NFE2L3: variants seen among roughly 807,000 people sequenced by gnomAD.
The protein encoded by NFE2L3 is nuclear factor erythroid 2-related factor 3.
A neutral mutation model predicts 23.5 loss-of-function variants in NFE2L3; 18 were observed. That is an observed-to-expected ratio of 0.77 (90% CI 0.53 to 1.13). The LOEUF is 1.13. NFE2L3 is among the 50% of genes most tolerant of loss of function. The pLI is 0.00. For missense variants in NFE2L3, 1,152 were observed against 877.2 expected (o/e 1.31, Z -3.96); for synonymous variants, 424 against 354.5 (o/e 1.20, Z -2.20).
At position 26,152,791 on chromosome 7, in the gene NFE2L3, T is replaced by G. The variant is rs987613552; in HGVS notation, c.293T>G (p.Leu98Arg). 6 of 1,485,610 alleles carry G rather than the reference T, an allele frequency of 4.0e-6. No homozygotes were observed. The highest frequency in any genetic ancestry group is 3.6e-6 in the Non-Finnish European group (4 of 1,125,758). The allele number at this position is 1,485,610 out of a possible 1,614,324, so 92.0% of individuals were successfully genotyped here. The change falls in exon 1 of 4, where the codon CTC becomes CGC. Residue 98 changes from leucine (L) to arginine (R), a missense_variant. Coordinates refer to ENST00000056233, the MANE Select transcript of NFE2L3 (RefSeq NM_004289.7). The surrounding 1 kb of genome is among the most constrained non-coding windows in gnomAD (Gnocchi z 4.4). ...CAGCTGCTCCGGGAGGTGCGCGCGCTCGGGGTCCCCTTCGTCCCTCGCACC... is the reference window on the plus strand; with the variant it reads ...CAGCTGCTCCGGGAGGTGCGCGCGCGCGGGGTCCCCTTCGTCCCTCGCACC... ...EGQLLREVRA[L>R]GVPFVPRTSV...
rs1784489719 is a variant in NFE2L3 at position 26,180,577 on chromosome 7, G to A, written c.750+2455G>A. Among the ~76,000 whole-genome samples, 3 of 152,158 alleles carry A rather than the reference G, an allele frequency of 2.0e-5. No homozygotes were observed. The South Asian group carries it at 6.2e-4, about 31-fold the overall frequency. ...CACTTCCCTGAGTATTCACAGCTCT[G>A]TTTGAGGGAAAAGATGTTTTCACTA... On this transcript the variant is annotated intron_variant, in intron 2 of 3. Coordinates refer to ENST00000056233, the MANE Select transcript of NFE2L3 (RefSeq NM_004289.7).
At chr7:26,153,620 GTGACCT>G (rs1784033691) in intron 1 of NFE2L3, among the ~76,000 whole-genome samples, 5 of 152,220 alleles carry the variant, frequency 3.3e-5, no homozygotes, top group Admixed American at 3.3e-4. Context: ...CGGTCCCCCT[GTGACCT>G]AACCATCCCC....
intron 1 of NFE2L3, among the ~76,000 whole-genome samples, chr7:26,175,723 G>GA (rs1340525449): frequency 2.7e-5 from 4 of 150,352 alleles, no homozygotes; most frequent in African/African-American, 9.8e-5. Flanking sequence ...AGCTTGTAGT[G>GA]AGCCAAGATC....
chr7:26,165,374 A>G (rs1290536694), intron 1 of NFE2L3, among the ~76,000 whole-genome samples: 1 of 152,164 alleles, frequency 6.6e-6, no homozygotes, highest in African/African-American at 2.4e-5. Context: ...CATCCCTTGT[A>G]AGTTGGATTC....
Position 26,152,708 on chromosome 7 carries a change from C to T in NFE2L3, c.210C>T (p.Arg70=). Residue 70 remains arginine (R), a synonymous_variant, in exon 1 of 4, where the codon CGC becomes CGT. Coordinates refer to ENST00000056233, the MANE Select transcript of NFE2L3 (RefSeq NM_004289.7). The surrounding 1 kb of genome is among the most constrained non-coding windows in gnomAD (Gnocchi z 4.4). ...TCTCGGCCTCGGGAGGGTGGGGGCG[C>T]GCGGGCCACTTGCACCCCAAGGGCC... is the stretch of plus-strand genomic sequence containing the variant. ...SPFSASGGWG[R]AGHLHPKGRE... 3 of 1,476,470 alleles carry T rather than the reference C, an allele frequency of 2.0e-6. No homozygotes were observed. The highest frequency in any genetic ancestry group is 2.7e-6 in the Non-Finnish European group (3 of 1,120,896). 91.5% of individuals were successfully genotyped at this position (1,476,470 alleles called of 1,614,324 possible).
Position 26,185,076 on chromosome 7 carries a change from G to T in NFE2L3, c.1378G>T (p.Asp460Tyr). 1 of 1,613,818 alleles carries T rather than the reference G, an allele frequency of 6.2e-7. No homozygotes were observed. Among genetic ancestry groups the T allele is most frequent in the Non-Finnish European group, 8.5e-7 (1 of 1,179,826 alleles). Residue 460 changes from aspartate (D) to tyrosine (Y), a missense_variant, in exon 4 of 4, where the codon GAC becomes TAC. Coordinates refer to ENST00000056233, the MANE Select transcript of NFE2L3 (RefSeq NM_004289.7). ...TGACCATGAATCTAGTTCCCATCAT[G>T]ACTTAGAAGGTGCTGTAGGTGGCTA... is the stretch of plus-strand genomic sequence containing the variant. ...CTDHESSSHH[D>Y]LEGAVGGYYP... is the part of the protein sequence containing the mutation.
In NFE2L3 at chr7:26,185,069, CCAT is replaced by C. The variant is rs1231702978; in HGVS notation, c.1375_1377del (p.His459del). ...ATTGCACTGACCATGAATCTAGTTC[CCAT>C]CATGACTTAGAAGGTGCTGTAGGTG... On this transcript the variant is annotated inframe_deletion, in exon 4 of 4. Transcript: ENST00000056233. 1.9e-6 allele frequency: 3 copies of C among 1,613,574 alleles called. No individual in the cohort carries two copies. The highest frequency in any genetic ancestry group is 1.7e-6 in the Non-Finnish European group (2 of 1,179,692).
chr7:26,167,821 A>G (rs939141475), intron 1 of NFE2L3, among the ~76,000 whole-genome samples: 1 of 152,252 alleles, frequency 6.6e-6, no homozygotes, highest in Non-Finnish European at 1.5e-5. Context: ...TTAATCATTA[A>G]TTGCAAATCT....
At chr7:26,171,557 A>G (rs978823030) in intron 1 of NFE2L3, among the ~76,000 whole-genome samples, 1 of 152,170 alleles carries the variant, frequency 6.6e-6, no homozygotes, top group African/African-American at 2.4e-5. Context: ...AAGAAAAAAA[A>G]AAAAAAGAAG....
intron 1 of NFE2L3, among the ~76,000 whole-genome samples, chr7:26,160,241 G>GCCAC (rs1286745593): frequency 9.2e-5 from 14 of 152,264 alleles, no homozygotes; most frequent in African/African-American, 3.4e-4. Context: ...ACAGGTGTGA[G>GCCAC]CCACCGCACC....
chr7:26,184,503 T>C (rs1782428825), intron 3 of NFE2L3, 30 bp from the exon 4 acceptor site: 8 of 1,577,938 alleles, frequency 5.1e-6, no homozygotes, highest in Non-Finnish European at 6.9e-6. Context: ...GGGCTATTCA[T>C]GTTTGAAGTG....
At position 26,184,565 on chromosome 7, in the gene NFE2L3, C is replaced by A. The variant is rs1562679919; in HGVS notation, c.867C>A (p.Gly289=). The A allele has an allele frequency of 1.2e-6, 2 of 1,613,232 alleles. No individual in the cohort carries two copies. The highest frequency in any genetic ancestry group is 1.7e-6 in the Non-Finnish European group (2 of 1,179,380). ...CATTGGGAGATATTCCTCTTCCAGG[C>A]AGTATCAGTGATGGCATGAATTCTT... ...GISLGDIPLP[G]SISDGMNSSA... Residue 289 remains glycine (G), a synonymous_variant, in exon 4 of 4, where the codon GGC becomes GGA. Transcript: ENST00000056233.
intron 1 of NFE2L3, among the ~76,000 whole-genome samples, chr7:26,176,266 A>G (rs934930302): frequency 6.6e-6 from 1 of 152,124 alleles, no homozygotes; most frequent in South Asian, 2.1e-4. Flanking sequence ...TTCTTTCTAC[A>G]CAGACACAGT....
At chr7:26,172,046 T>C (rs1784334597) in intron 1 of NFE2L3, among the ~76,000 whole-genome samples, 1 of 152,228 alleles carries the variant, frequency 6.6e-6, no homozygotes, top group Admixed American at 6.5e-5. Flanking sequence ...ATCACCATTA[T>C]TATTTAGCAT....
intron 2 of NFE2L3, 96 bp from the exon 3 acceptor site, chr7:26,183,605 G>T: frequency 1.3e-6 from 1 of 748,544 alleles, no homozygotes. Flanking sequence ...AATCCAGTGT[G>T]GAAATAATAC....
chr7:26,161,345 TTTTTTTTTTTTTTTTTTTTG>T (rs796126681), intron 1 of NFE2L3, among the ~76,000 whole-genome samples: 47 of 94,702 alleles, frequency 5.0e-4, no homozygotes, highest in African/African-American at 2.0e-3. Flanking sequence ...CTTTTTTTTT[TTTTTTTTTTTTTTTTTTTTG>T]GGTCTTACCT....
At position 26,185,038 on chromosome 7, in the gene NFE2L3, TAG is replaced by T; in HGVS notation, c.1341_1342del (p.Ile447MetfsTer5). 3 of 1,613,914 alleles carry T rather than the reference TAG, an allele frequency of 1.9e-6. No individual in the cohort carries two copies. The highest frequency in any genetic ancestry group is 1.7e-6 in the Non-Finnish European group (2 of 1,179,818). ...CACTCTGTGTGTGATGAAGGTGCTA[TAG>T]GTTATTGCACTGACCATGAATCTAG... On this transcript the variant is annotated frameshift_variant, in exon 4 of 4. Transcript: ENST00000056233. LOFTEE classifies it low-confidence loss of function (END_TRUNC).
chr7:26,167,076 A>G (rs969919051), intron 1 of NFE2L3, among the ~76,000 whole-genome samples: 1 of 152,220 alleles, frequency 6.6e-6, no homozygotes, highest in Admixed American at 6.5e-5. Flanking sequence ...CTTTGCAAGG[A>G]GAAAAGAAAA....
chr7:26,169,472 G>C (rs948923566), intron 1 of NFE2L3, among the ~76,000 whole-genome samples: 1 of 152,198 alleles, frequency 6.6e-6, no homozygotes, highest in African/African-American at 2.4e-5. Context: ...GGGCACACTG[G>C]GATGGGTGTG....
Sources: allele counts gnomAD v4.1 joint callset (sites outside exome capture counted in the v4.1 genomes callset), GRCh38; gene constraint gnomAD v4.1.1; non-coding constraint Gnocchi (gnomAD v3.1); transcripts MANE v1.5; gene names NCBI Gene and HGNC (gene_info 2026-07-23, HGNC 2026-07-21).